FAM186A: variants seen among roughly 807,000 people sequenced by gnomAD.
The protein encoded by FAM186A is family with sequence similarity 186 member A, also known as protein FAM186A.
Under a neutral mutation model 216.8 loss-of-function variants are expected in FAM186A, and 163 were observed. That is an observed-to-expected ratio of 0.75 (90% CI 0.66 to 0.86). FAM186A has a LOEUF of 0.86. Ranked by LOEUF, FAM186A falls within the 40% of genes least tolerant of loss-of-function variation. FAM186A has a pLI of 0.00. For missense variants in FAM186A, 2,184 were observed against 2,746.2 expected (o/e 0.80, Z 4.58); for synonymous variants, 805 against 1,025.3 (o/e 0.79, Z 4.10).
In FAM186A at chr12:50,354,284, A is replaced by G. The variant is rs908497684; in HGVS notation, c.2548T>C (p.Leu850=). 6.4e-7 allele frequency: 1 copy of G among 1,551,518 alleles called. No homozygotes were observed. Among genetic ancestry groups the G allele is most frequent in the Non-Finnish European group, 8.7e-7 (1 of 1,146,974 alleles). ...CTTATCTTCTCATAGTGCTCCTTCA[A>G]GAGATTTCTTTCTCCCAGCAACTGC... ...KQQLLGERNL[L]KEHYEKISEN... The change falls in exon 4 of 8, where the codon TTG becomes CTG. Residue 850 remains leucine, a synonymous_variant. Coordinates refer to ENST00000327337, the MANE Select transcript of FAM186A (RefSeq NM_001145475.3).
intron 7 of FAM186A, among the ~76,000 whole-genome samples, chr12:50,330,030 A>G (rs748028082): frequency 2.6e-5 from 4 of 152,222 alleles, no homozygotes; most frequent in Non-Finnish European, 5.9e-5. Flanking sequence ...CTGTCCTGAA[A>G]GAGTTAATGC....
Position 50,355,668 on chromosome 12 carries a change from T to A in FAM186A, c.1164A>T (p.Glu388Asp). 1 of 1,550,928 alleles carries A rather than the reference T, an allele frequency of 6.4e-7. No individual in the cohort carries two copies. Among genetic ancestry groups the A allele is most frequent in the Admixed American group, 2.0e-5 (1 of 50,810 alleles). ...LDKELENIVDEVQRKETKDSG... is the reference protein window; with the variant it reads ...LDKELENIVDDVQRKETKDSG... ...AGTCCTTGGTCTCTTTTCTTTGGAC[T>A]TCATCTACAATATTTTCAAGTTCCT... The change falls in exon 4 of 8, where the codon GAA becomes GAT. Residue 388 changes from glutamate (E) to aspartate (D), a missense_variant. This residue lies in a region of FAM186A where 1,132 missense variants were observed against 1,263.4 expected (regional missense o/e 0.90). Coordinates refer to ENST00000327337, the MANE Select transcript of FAM186A (RefSeq NM_001145475.3).
chr12:50,387,657 C>T (rs1024112053), intron 1 of FAM186A, among the ~76,000 whole-genome samples: 1 of 152,074 alleles, frequency 6.6e-6, no homozygotes, highest in Non-Finnish European at 1.5e-5. Flanking sequence ...GTTGCTTCAC[C>T]CTAATATTAC....
rs1164267281 is a variant in FAM186A at position 50,360,771 on chromosome 12, G to GT, written c.567dup (p.Gln190ThrfsTer8). Reference sequence around the variant, plus strand: ...GCACCCTTACATATTTTTTTCTTTTGTTTCTTCTTTTCGTCGAGGAAAGAT... The same window carrying GT: ...GCACCCTTACATATTTTTTTCTTTTGTTTTCTTCTTTTCGTCGAGGAAAGAT... On this transcript the variant is annotated frameshift_variant, in exon 3 of 8. Transcript: ENST00000327337. LOFTEE classifies it high-confidence loss of function. 8 of 1,520,480 alleles carry GT rather than the reference G, an allele frequency of 5.3e-6. No individual in the cohort carries two copies. Among genetic ancestry groups the GT allele is most frequent in the Non-Finnish European group, 7.0e-6 (8 of 1,135,322 alleles). The allele number at this position is 1,520,480 out of a possible 1,614,324, so 94.2% of individuals were successfully genotyped here.
chr12:50,356,699 T>C (rs1942980516), intron 3 of FAM186A, among the ~76,000 whole-genome samples: 1 of 152,166 alleles, frequency 6.6e-6, no homozygotes, highest in African/African-American at 2.4e-5. Context: ...GGGTTAGATA[T>C]AATGTATCTA....
chr12:50,340,277 T>C (rs1444964993), intron 4 of FAM186A, among the ~76,000 whole-genome samples: 2 of 152,144 alleles, frequency 1.3e-5, no homozygotes, highest in East Asian at 1.9e-4. Context: ...CATCATACGA[T>C]ATAATCATCT....
intron 1 of FAM186A, among the ~76,000 whole-genome samples, chr12:50,366,727 A>G (rs1943092513): frequency 6.6e-6 from 1 of 150,604 alleles, no homozygotes; most frequent in Admixed American, 6.6e-5. Flanking sequence ...AAAAATACAC[A>G]AGAGGCTGGG....
chr12:50,352,415 G>T lies in FAM186A; in HGVS notation c.4417C>A (p.Pro1473Thr), dbSNP rs1240136041. The T allele has an allele frequency of 1.9e-6, 3 of 1,548,454 alleles. No homozygotes were observed. Among genetic ancestry groups the T allele is most frequent in the Non-Finnish European group, 2.6e-6 (3 of 1,145,778 alleles). ...QAQELGIPLT[P>T]QQAQALGIPL... ...ATCCCCAGGGCCTGGGCCTGCTGAG[G>T]GGTGAGAGGGATCCCCAATTCCTGA... Residue 1473 changes from proline (P) to threonine (T), a missense_variant, in exon 4 of 8, where the codon CCT becomes ACT. This residue lies in a region of FAM186A where 267 missense variants were observed against 446.2 expected (regional missense o/e 0.60). Transcript: ENST00000327337.
intron 3 of FAM186A, among the ~76,000 whole-genome samples, chr12:50,356,541 A>G (rs532917570): frequency 6.6e-6 from 1 of 152,278 alleles, no homozygotes; most frequent in East Asian, 1.9e-4. Context: ...CCTTGGCTCA[A>G]ACAATCCACC....
At chr12:50,367,530 AAAAAAG>A (rs1943101841) in intron 1 of FAM186A, among the ~76,000 whole-genome samples, 1 of 151,498 alleles carries the variant, frequency 6.6e-6, no homozygotes, top group Non-Finnish European at 1.5e-5. Flanking sequence ...AAAAAAAAAA[AAAAAAG>A]AAAAGAAATA....
rs1373538606 is a variant in FAM186A at position 50,353,057 on chromosome 12, G to C, written c.3775C>G (p.Gln1259Glu). ...AGAGGGATCCCCAGTTCCTGAACCT[G>C]CTTAGGGGTGAGAGTGATTCCGAGA... is the stretch of plus-strand genomic sequence containing the variant. ...QALGITLTPK[Q>E]VQELGIPLTP... is the part of the protein sequence containing the mutation. Residue 1259 changes from glutamine (Q) to glutamate (E), a missense_variant, in exon 4 of 8, where the codon CAG becomes GAG. By Grantham distance (29) the Gln-to-Glu change is conservative. Around this residue, in one of 7 missense-constraint regions of FAM186A, gnomAD observed 267 missense variants for 446.2 expected, o/e 0.60. Transcript: ENST00000327337. 2 of 1,538,184 alleles carry C rather than the reference G, an allele frequency of 1.3e-6. No individual in the cohort carries two copies. Among genetic ancestry groups the C allele is most frequent in the Admixed American group, 4.0e-5 (2 of 50,172 alleles).
intron 4 of FAM186A, among the ~76,000 whole-genome samples, chr12:50,334,482 A>T (rs1279291730): frequency 2.0e-5 from 3 of 148,138 alleles, no homozygotes; most frequent in Non-Finnish European, 4.5e-5. Flanking sequence ...TTTTTAATTT[A>T]ATTTTATTTT....
chr12:50,328,065 T>C lies in FAM186A; in HGVS notation c.7035-661A>G, dbSNP rs181632617. ...CAGTGAACATGCATTACTTAGGCAA[T>C]TGGAAAAAACTGAATATTATTTTAA... On this transcript the variant is annotated intron_variant, in intron 7 of 7. Coordinates refer to ENST00000327337, the MANE Select transcript of FAM186A (RefSeq NM_001145475.3). Among the ~76,000 whole-genome samples the C allele has an allele frequency of 9.0e-4, 137 of 152,306 alleles. 2 individuals are homozygous for C. Among genetic ancestry groups the C allele is most frequent in the Non-Finnish European group, 1.7e-3 (114 of 68,034 alleles).
intron 7 of FAM186A, among the ~76,000 whole-genome samples, 156 bp from the exon 8 acceptor site, chr12:50,327,560 G>A (rs537083819): frequency 5.1e-5 from 3 of 58,288 alleles, no homozygotes; most frequent in Non-Finnish European, 1.0e-4. Flanking sequence ...TTTTTTTTTT[G>A]AGACAGGGTC....
At chr12:50,370,123 C>CAAAAAAAAA (rs56403101) in intron 1 of FAM186A, among the ~76,000 whole-genome samples, 23 of 38,430 alleles carry the variant, frequency 6.0e-4, no homozygotes, top group South Asian at 5.0e-3. Flanking sequence ...GACTCCATCT[C>CAAAAAAAAA]AAAAAAAAAA....
At chr12:50,330,805 A>C in intron 6 of FAM186A, 47 bp from the exon 7 acceptor site, 1 of 1,447,164 alleles carries the variant, frequency 6.9e-7, no homozygotes. Flanking sequence ...CCTGAGCTCC[A>C]TAGCCCATCA....
Position 50,370,139 on chromosome 12 carries a change from A to AAAAAAC in FAM186A, c.193-6776_193-6775insGTTTTT, listed in dbSNP as rs1565892199. Among the ~76,000 whole-genome samples, 3 of 148,296 alleles carry AAAAAAC rather than the reference A, an allele frequency of 2.0e-5. No individual in the cohort carries two copies. In the South Asian group the frequency reaches 6.5e-4, roughly 32 times the overall value. On this transcript the variant is annotated intron_variant, in intron 1 of 7. Transcript: ENST00000327337. ...ACTCCATCTCAAAAAAAAAAAAAAA[A>AAAAAAC]AAAAAAAAGCAAAACTTAGCCAGGC...
In FAM186A at chr12:50,351,504, C is replaced by T; in HGVS notation, c.5328G>A (p.Lys1776=). The change falls in exon 4 of 8, where the codon AAG becomes AAA. Residue 1776 remains lysine (K), a synonymous_variant. Coordinates refer to ENST00000327337, the MANE Select transcript of FAM186A (RefSeq NM_001145475.3). ...CAGAAAGAATCCCCATTTCTAGGGGCTTCCCAGGGGCAAAGGGGCCTTGGT... is the reference window on the plus strand; with the variant it reads ...CAGAAAGAATCCCCATTTCTAGGGGTTTCCCAGGGGCAAAGGGGCCTTGGT... ...PLNQGPFAPG[K]PLEMGILSEP... 1.3e-6 allele frequency: 2 copies of T among 1,497,104 alleles called. No individual in the cohort carries two copies. The highest frequency in any genetic ancestry group is 1.8e-6 in the Non-Finnish European group (2 of 1,125,146). The allele number at this position is 1,497,104 out of a possible 1,614,324, so 92.7% of individuals were successfully genotyped here. A position where few individuals can be genotyped will look rare whatever the true frequency, so the allele number is the denominator to read the frequency against.
At position 50,351,358 on chromosome 12, in the gene FAM186A, A is replaced by G; in HGVS notation, c.5474T>C (p.Leu1825Pro). 1 of 1,481,620 alleles carries G rather than the reference A, an allele frequency of 6.7e-7. No individual in the cohort carries two copies. The highest frequency in any genetic ancestry group is 8.9e-7 in the Non-Finnish European group (1 of 1,118,294). 91.8% of individuals were successfully genotyped at this position (1,481,620 alleles called of 1,614,324 possible). ...AGTGGGAGGGGCCCGAGATATTGGG[A>G]GCTGCCCAGGGGAGGGAGGGGCCTG... is the stretch of plus-strand genomic sequence containing the variant. ...APQAPPSPGQ[L>P]PISRAPPTPG... Residue 1825 changes from leucine (L) to proline (P), a missense_variant, in exon 4 of 8, where the codon CTC becomes CCC. Leu to Pro is a moderately conservative substitution (Grantham distance 98). This residue lies in a region of FAM186A where 721 missense variants were observed against 816.4 expected (regional missense o/e 0.88). Coordinates refer to ENST00000327337, the MANE Select transcript of FAM186A (RefSeq NM_001145475.3).
Sources: gnomAD v4.1 joint callset for allele counts (sites outside exome capture counted in the v4.1 genomes callset) on GRCh38, gnomAD v4.1.1 for gene constraint, gnomAD v4.1.1 regional missense constraint, MANE v1.5 for transcripts, NCBI Gene and HGNC (gene_info 2026-07-23, HGNC 2026-07-21) for gene names.